Variants in ANK3 observed in about 807,000 individuals in gnomAD.
ANK3 encodes ankyrin 3, also known as ankyrin-3.
ANK3 carries 57 observed loss-of-function variants against 370.9 expected under a neutral mutation model. The observed-to-expected ratio is 0.15, with a 90% CI of 0.12 to 0.19. The LOEUF (loss-of-function observed/expected upper bound fraction) is 0.19. Ranked by LOEUF, ANK3 falls within the 10% of genes least tolerant of loss-of-function variation. ANK3 has a pLI of 1.00. For missense variants in ANK3, 4,439 were observed against 5,302.1 expected, an observed-to-expected ratio of 0.84 and a Z score of 5.06; for synonymous variants, 1,929 against 1,946.3, an observed-to-expected ratio of 0.99 and a Z score of 0.23.
At chr10:60,067,006 G>A (rs182192620) in intron 38 of ANK3, among the ~76,000 whole-genome samples, 173 of 152,220 alleles carry the variant, frequency 1.1e-3, no homozygotes, top group Admixed American at 2.2e-3. Flanking sequence ...TGCAGCCTCT[G>A]CCTCCCGGGT....
At chr10:60,554,994 T>TAAATTCTTTAA (rs1383356710) in intron 2 of ANK3, among the ~76,000 whole-genome samples, 5 of 152,208 alleles carry the variant, frequency 3.3e-5, no homozygotes, top group Non-Finnish European at 5.9e-5. Flanking sequence ...TTCAGCTTTG[T>TAAATTCTTTAA]AATTCTTTTG....
At chr10:60,623,365 G>A (rs1014309081) in intron 1 of ANK3, among the ~76,000 whole-genome samples, 3 of 152,106 alleles carry the variant, frequency 2.0e-5, no homozygotes, top group Admixed American at 6.6e-5. Flanking sequence ...AAGCTTTTTT[G>A]ACAGTGAGGG....
At chr10:60,549,356 T>C (rs2077040655) in intron 2 of ANK3, among the ~76,000 whole-genome samples, 1 of 152,194 alleles carries the variant, frequency 6.6e-6, no homozygotes, top group South Asian at 2.1e-4. Context: ...GGATAAATGT[T>C]GTATAATGTT....
rs1460213309 is a variant in ANK3 at position 60,073,790 on chromosome 10, T to C, written c.7091A>G (p.Asp2364Gly). The C allele has an allele frequency of 1.2e-6, 2 of 1,613,578 alleles. No homozygotes were observed. The highest frequency in any genetic ancestry group is 1.7e-6 in the Non-Finnish European group (2 of 1,180,002). The change falls in exon 37 of 44, where the codon GAC (aspartate) becomes GGC (glycine). Residue 2364 changes from aspartate (D) to glycine (G), a missense_variant. By Grantham distance (94) the Asp-to-Gly change is moderately conservative. This residue lies in a region of ANK3 where 1,601 missense variants were observed against 1,731.7 expected (regional missense o/e 0.92). Transcript: ENST00000280772. ...PEKEMYVYQKDLSRGDINLKD... is the reference protein window; with the variant it reads ...PEKEMYVYQKGLSRGDINLKD... ...TAGGTTAATATCTCCCCGGGATAAG[T>C]CTTTCTGATATACATACATTTCTTT... is the stretch of plus-strand genomic sequence containing the variant.
In ANK3 at chr10:60,198,344, G is replaced by A; in HGVS notation, c.1685C>T (p.Thr562Ile). The change falls in exon 14 of 44, where the codon ACA (threonine) becomes ATA (isoleucine). Residue 562 changes from threonine to isoleucine, a missense_variant. Around this residue, in one of 13 missense-constraint regions of ANK3, gnomAD observed 192 missense variants for 192.1 expected, o/e 1.00. Coordinates refer to ENST00000280772, the MANE Select transcript of ANK3 (RefSeq NM_020987.5). ...TTCTGAGATTTGCTTTCATACCTTTGTTGTTATAGATAAAGACGCTCCATG... is the reference window on the plus strand; with the variant it reads ...TTCTGAGATTTGCTTTCATACCTTTATTGTTATAGATAAAGACGCTCCATG... ...LDHGASLSITTKKGFTPLHVA... is the reference protein window; with the variant it reads ...LDHGASLSITIKKGFTPLHVA... The A allele has an allele frequency of 6.2e-7, 1 of 1,614,166 alleles. No individual in the cohort carries two copies. Among genetic ancestry groups the A allele is most frequent in the Non-Finnish European group, 8.5e-7 (1 of 1,180,012 alleles).
chr10:60,052,342 C>T (rs1446840261), intron 42 of ANK3, among the ~76,000 whole-genome samples: 1 of 152,092 alleles, frequency 6.6e-6, no homozygotes, highest in Non-Finnish European at 1.5e-5. Context: ...ACAACAACAA[C>T]AACAAGTAAA....
intron 2 of ANK3, among the ~76,000 whole-genome samples, chr10:60,563,301 C>G (rs2077382508): frequency 6.6e-6 from 1 of 152,158 alleles, no homozygotes; most frequent in Non-Finnish European, 1.5e-5. Context: ...CAGAGCACCA[C>G]TTTATCTGGA....
chr10:60,071,543 C>T lies in ANK3; in HGVS notation c.9338G>A (p.Gly3113Asp). 3 of 1,613,976 alleles carry T rather than the reference C, an allele frequency of 1.9e-6. No homozygotes were observed. Among genetic ancestry groups the T allele is most frequent in the Non-Finnish European group, 2.5e-6 (3 of 1,179,966 alleles). The change falls in exon 37 of 44, where the codon GGT becomes GAT. Residue 3113 changes from glycine to aspartate, a missense_variant. Physicochemically the swap from Gly to Asp is moderately conservative, Grantham distance 94 (BLOSUM62 -1). Coordinates refer to ENST00000280772, the MANE Select transcript of ANK3 (RefSeq NM_020987.5). ...KQYEKEIQQG[G>D]VKKIISQECK... Reference sequence around the variant, plus strand: ...TTCCTGACTTATGATTTTTTTTACACCTCCTTGTTGTATCTCCTTTTCATA... The same window carrying T: ...TTCCTGACTTATGATTTTTTTTACATCTCCTTGTTGTATCTCCTTTTCATA...
chr10:60,196,639 A>AAAC lies in ANK3; in HGVS notation c.1690-15_1690-14insGTT, dbSNP rs1565609075. On this transcript the variant is annotated splice_polypyrimidine_tract_variant and intron_variant, in intron 14 of 43. Transcript: ENST00000280772. ...AGTAAATCCTTTCTGAAAAAAAAAA[A>AAAC]ACATAAAAATAATGAACAATAGAAA... 6.5e-7 allele frequency: 1 copy of AAAC among 1,531,738 alleles called. No homozygotes were observed. The highest frequency in any genetic ancestry group is 1.4e-5 in the African/African-American group (1 of 72,404). The allele number at this position is 1,531,738 out of a possible 1,614,324, so 94.9% of individuals were successfully genotyped here. A position where few individuals can be genotyped will look rare whatever the true frequency, so the allele number is the denominator to read the frequency against.
intron 16 of ANK3, among the ~76,000 whole-genome samples, chr10:60,188,365 C>T (rs183854113): frequency 1.3e-5 from 2 of 152,252 alleles, no homozygotes. Flanking sequence ...TGTAAGATTA[C>T]ACTTTGACAT....
chr10:60,466,520 A>G (rs1475590848), intron 2 of ANK3, among the ~76,000 whole-genome samples: 1 of 152,158 alleles, frequency 6.6e-6, no homozygotes, highest in Non-Finnish European at 1.5e-5. Context: ...AAGACTCTCA[A>G]AAGGTTAAAT....
intron 18 of ANK3, among the ~76,000 whole-genome samples, chr10:60,180,729 A>C (rs2096149170): frequency 1.3e-5 from 2 of 152,078 alleles, no homozygotes; most frequent in South Asian, 4.1e-4. Flanking sequence ...ATGTGAAGCT[A>C]TATCTTTGAT....
rs574122544 is a variant in ANK3 at position 60,577,577 on chromosome 10, A to G, written c.96+37609T>C. ...CTGTTACTCTCTCTTGTTTGCCACC[A>G]TGTAAGATGTGCCTTTCTCCTTCCA... is the stretch of plus-strand genomic sequence containing the variant. On this transcript the variant is annotated intron_variant, in intron 2 of 43. Coordinates refer to the ANK3 transcript ENST00000373827. Among the ~76,000 whole-genome samples the G allele has an allele frequency of 2.4e-4, 37 of 152,212 alleles. No homozygotes were observed. In the South Asian group the frequency reaches 7.5e-3, roughly 31 times the overall value.
Position 60,263,933 on chromosome 10 carries a change from C to T in ANK3, c.601G>A (p.Val201Met). The change falls in exon 6 of 44, where the codon GTG becomes ATG. Residue 201 changes from valine (V) to methionine (M), a missense_variant. Physicochemically the swap from Val to Met is conservative, Grantham distance 21. Transcript: ENST00000280772. Reference sequence around the variant, plus strand: ...GCGATATGAAGAGCTGGGAGACGCACTTTTCCTTTGGTGTCATTCTCTAGC... The same window carrying T: ...GCGATATGAAGAGCTGGGAGACGCATTTTTCCTTTGGTGTCATTCTCTAGC... ...LLLENDTKGK[V>M]RLPALHIAAR... The T allele has an allele frequency of 6.2e-7, 1 of 1,614,114 alleles. No individual in the cohort carries two copies.
At chr10:60,597,798 A>G (rs2078008627) in intron 2 of ANK3, among the ~76,000 whole-genome samples, 1 of 152,166 alleles carries the variant, frequency 6.6e-6, no homozygotes, top group South Asian at 2.1e-4. Flanking sequence ...TCCTTGAGCA[A>G]TAGGAACTGC....
At chr10:60,187,128 C>CTTATTTTATTTTATTATCT (rs1295741761) in intron 16 of ANK3, among the ~76,000 whole-genome samples, 3 of 127,986 alleles carry the variant, frequency 2.3e-5, no homozygotes, top group African/African-American at 8.8e-5. Flanking sequence ...TTAATATGGA[C>CTTATTTTATTTTATTATCT]ATTTTATTTA....
chr10:60,655,873 G>C (rs1169017216), intron 1 of ANK3, among the ~76,000 whole-genome samples: 1 of 152,128 alleles, frequency 6.6e-6, no homozygotes, highest in Admixed American at 6.5e-5. Flanking sequence ...TCTATGTTGA[G>C]ATACATAAAT....
chr10:60,398,056 C>A (rs540495719), intron 2 of ANK3, among the ~76,000 whole-genome samples: 1 of 152,136 alleles, frequency 6.6e-6, no homozygotes, highest in African/African-American at 2.4e-5. Flanking sequence ...ATATTTCAGG[C>A]TCCAAAGGCC....
intron 2 of ANK3, among the ~76,000 whole-genome samples, chr10:60,398,357 C>A (rs976036198): frequency 1.3e-5 from 2 of 152,162 alleles, no homozygotes; most frequent in African/African-American, 4.8e-5. Context: ...AATAACATAT[C>A]ATTCTGAGGG....
Sources: gnomAD v4.1 joint callset for allele counts (sites outside exome capture counted in the v4.1 genomes callset) on GRCh38, gnomAD v4.1.1 for gene constraint, gnomAD v4.1.1 regional missense constraint, MANE v1.5 for transcripts, NCBI Gene and HGNC (gene_info 2026-07-23, HGNC 2026-07-21) for gene names.